TSHZ2: variants seen among roughly 807,000 people sequenced by gnomAD.
TSHZ2 encodes the protein teashirt zinc finger homeobox 2.
TSHZ2 carries 21 observed loss-of-function variants against 74.4 expected under a neutral mutation model. That is an observed-to-expected ratio of 0.28 (90% CI 0.20 to 0.41). The LOEUF (loss-of-function observed/expected upper bound fraction) is 0.41. TSHZ2 is among the 10% of genes least tolerant of loss of function. The pLI is 1.00. For missense variants in TSHZ2, 1,244 were observed against 1,293.5 expected (o/e 0.96, Z 0.59); for synonymous variants, 540 against 515.3 (o/e 1.05, Z -0.65).
intron 2 of TSHZ2, among the ~76,000 whole-genome samples, chr20:53,329,285 A>G (rs2145543423): frequency 6.6e-6 from 1 of 152,284 alleles, no homozygotes; most frequent in South Asian, 2.1e-4. Flanking sequence ...TTGGTCCTCA[A>G]CTCAAAGCTT....
At chr20:53,198,241 G>GAATC (rs1988919805) in intron 1 of TSHZ2, 1 of 152,200 alleles carries the variant, frequency 6.6e-6, no homozygotes, top group African/African-American at 2.4e-5. Flanking sequence ...GCCCAGTTAA[G>GAATC]AATCAGCCAT....
At chr20:53,000,769 C>A (rs1389459704) in intron 1 of TSHZ2, among the ~76,000 whole-genome samples, 1 of 152,128 alleles carries the variant, frequency 6.6e-6, no homozygotes, top group Non-Finnish European at 1.5e-5. Flanking sequence ...TTCTGTGATT[C>A]TCAGTTTCTT....
chr20:53,482,464 A>G (rs1986179874), intron 2 of TSHZ2, among the ~76,000 whole-genome samples: 1 of 152,222 alleles, frequency 6.6e-6, no homozygotes, highest in Non-Finnish European at 1.5e-5. Flanking sequence ...GTCAATAACA[A>G]AATCAGGACT....
intron 2 of TSHZ2, among the ~76,000 whole-genome samples, chr20:53,312,139 A>G (rs1368474331): frequency 6.6e-6 from 1 of 152,206 alleles, no homozygotes; most frequent in Non-Finnish European, 1.5e-5. Context: ...CTGCACTCAC[A>G]TGACAAGCCT....
At chr20:53,146,244 AG>A (rs1348439817) in intron 1 of TSHZ2, among the ~76,000 whole-genome samples, 1 of 152,148 alleles carries the variant, frequency 6.6e-6, no homozygotes, top group African/African-American at 2.4e-5. Flanking sequence ...GTTGTGGGGC[AG>A]GGGGCGGATG....
intron 2 of TSHZ2, among the ~76,000 whole-genome samples, chr20:53,314,744 C>T (rs576500077): frequency 6.6e-6 from 1 of 151,632 alleles, no homozygotes; most frequent in South Asian, 2.1e-4. Context: ...GCCTCAGCCT[C>T]TCAAGCAGCA....
In TSHZ2 at chr20:53,256,035, G is replaced by A. The variant is rs747355117; in HGVS notation, c.2577G>A (p.Gln859=). Residue 859 remains glutamine (Q), a synonymous_variant, in exon 2 of 3, where the codon CAG becomes CAA. Transcript: ENST00000371497. This position sits in a 1 kb window ranked among gnomAD's most constrained non-coding sequence, Gnocchi z 4.3. The part of the protein sequence containing the change: ...NPQHLLILQA[Q]FASSLFQTSE... Reference sequence around the variant, plus strand: ...AGCATCTTCTGATTCTACAAGCCCAGTTTGCCTCGAGCCTCTTCCAGACAT... The same window carrying A: ...AGCATCTTCTGATTCTACAAGCCCAATTTGCCTCGAGCCTCTTCCAGACAT... The A allele has an allele frequency of 6.2e-7, 1 of 1,613,300 alleles. No homozygotes were observed. The highest frequency in any genetic ancestry group is 1.1e-5 in the South Asian group (1 of 91,006).
At chr20:53,355,621 C>T (rs1218181669) in intron 2 of TSHZ2, among the ~76,000 whole-genome samples, 1 of 152,254 alleles carries the variant, frequency 6.6e-6, no homozygotes, top group East Asian at 1.9e-4. Flanking sequence ...TGAAGAGTGA[C>T]TGCAAATGGG....
intron 2 of TSHZ2, among the ~76,000 whole-genome samples, chr20:53,330,407 C>A (rs1392729231): frequency 2.0e-5 from 3 of 152,116 alleles, no homozygotes; most frequent in African/African-American, 7.2e-5. Context: ...AAATACAATG[C>A]CTTTAACGTT....
chr20:53,478,217 G>A (rs1366271064), intron 2 of TSHZ2, among the ~76,000 whole-genome samples: 2 of 144,962 alleles, frequency 1.4e-5, no homozygotes, highest in African/African-American at 5.2e-5. Flanking sequence ...GCACACATAT[G>A]TTTATTGTGG....
rs148958791 is a variant in TSHZ2, at chr20:53,189,254, A to G, written c.41-64245A>G. On this transcript the variant is annotated intron_variant, in intron 1 of 2. Transcript: ENST00000371497. ...TGGAAGGCCCGTTCTATTAAACCAG[A>G]ATATGCAAATAGCTGCAAGAAGCAG... Among the ~76,000 whole-genome samples, 1,211 of 152,344 alleles carry G rather than the reference A, an allele frequency of 7.9e-3. 15 individuals carry two copies. Among genetic ancestry groups the G allele is most frequent in the African/African-American group, 0.027 (1,119 of 41,582 alleles).
At chr20:53,460,640 C>T (rs959293547) in intron 2 of TSHZ2, among the ~76,000 whole-genome samples, 11 of 152,184 alleles carry the variant, frequency 7.2e-5, no homozygotes, top group South Asian at 6.2e-4. Flanking sequence ...TTTAGAATTT[C>T]CAGTTTTTCT....
rs1281926705 is a variant in TSHZ2, at chr20:53,356,627, A to G, written c.*8+100056A>G. ...TGAAGATCATAGATAAAAGCTGGCC[A>G]GGGAGGAGAGGCAAACCCTTAGAAT... On this transcript the variant is annotated intron_variant, in intron 2 of 2. Transcript: ENST00000371497. Among the ~76,000 whole-genome samples the G allele has an allele frequency of 2.6e-5, 4 of 152,326 alleles. No individual in the cohort carries two copies. The East Asian group carries it at 7.7e-4, about 29-fold the overall frequency.
At chr20:53,481,300 G>A (rs538905985) in intron 2 of TSHZ2, among the ~76,000 whole-genome samples, 5 of 152,160 alleles carry the variant, frequency 3.3e-5, no homozygotes, top group South Asian at 2.1e-4. Flanking sequence ...GGCTAGGCAC[G>A]GTGCCTCATG....
intron 2 of TSHZ2, among the ~76,000 whole-genome samples, chr20:53,433,910 C>G (rs57854626): frequency 0.045 from 6,859 of 152,146 alleles, 319 homozygotes; most frequent in African/African-American, 0.12. Flanking sequence ...ACTCTGTTGC[C>G]CAGGCTGGAG....
chr20:53,338,128 G>A (rs1980030957), intron 2 of TSHZ2, among the ~76,000 whole-genome samples: 1 of 152,202 alleles, frequency 6.6e-6, no homozygotes, highest in Non-Finnish European at 1.5e-5. Flanking sequence ...CAAGGTGCTG[G>A]CCTGTCGCAG....
chr20:53,352,051 C>T (rs985116740), intron 2 of TSHZ2, among the ~76,000 whole-genome samples: 3 of 152,090 alleles, frequency 2.0e-5, no homozygotes, highest in African/African-American at 7.2e-5. Flanking sequence ...AAATTGTTCA[C>T]TCTATAAGAT....
chr20:53,117,584 C>T (rs6123252), intron 1 of TSHZ2, among the ~76,000 whole-genome samples: 9,763 of 152,184 alleles, frequency 0.064, 676 homozygotes, highest in East Asian at 0.3. Flanking sequence ...GGAAGCAGTT[C>T]TAGATTGAGC....
chr20:53,099,303 T>C (rs563029433), intron 1 of TSHZ2, among the ~76,000 whole-genome samples: 2 of 152,282 alleles, frequency 1.3e-5, no homozygotes, highest in Non-Finnish European at 2.9e-5. Context: ...TCATAAACCC[T>C]ATTATTATTA....
Sources: gnomAD v4.1 joint callset for allele counts (sites outside exome capture counted in the v4.1 genomes callset) on GRCh38, gnomAD v4.1.1 for gene constraint, Gnocchi (gnomAD v3.1) non-coding constraint, MANE v1.5 for transcripts, NCBI Gene and HGNC (gene_info 2026-07-23, HGNC 2026-07-21) for gene names.